The following EFHB variants were observed in gnomAD, a reference collection of about 807,000 sequenced individuals.
EFHB encodes EF-hand domain family member B.
In EFHB, 91 loss-of-function variants were observed where a neutral mutation model predicts 87.2. The ratio of observed to expected loss-of-function variants is 1.04; its 90% CI spans 0.88 to 1.24. The LOEUF is 1.24. Ranked by LOEUF, EFHB falls within the 50% of genes most tolerant of loss-of-function variation. The pLI, the probability that EFHB is intolerant of heterozygous loss-of-function variation, is 0.00. For synonymous variants in EFHB, 325 were observed against 333.6 expected (o/e 0.97, Z 0.28); for missense variants, 1,084 against 998.8 (o/e 1.09, Z -1.15).
At chr3:19,920,301 G>C (rs189787974) in intron 2 of EFHB, among the ~76,000 whole-genome samples, 1 of 152,206 alleles carries the variant, frequency 6.6e-6, no homozygotes, top group Non-Finnish European at 1.5e-5. Flanking sequence ...CCCTGTAATT[G>C]AATCCCTGTA....
chr3:19,892,957 C>CA (rs1553629375), intron 9 of EFHB, among the ~76,000 whole-genome samples: 1 of 143,672 alleles, frequency 7.0e-6, no homozygotes, highest in African/African-American at 2.5e-5. Flanking sequence ...TCTCTATTTT[C>CA]TTTTTTTTTT....
chr3:19,902,915 G>A (rs558140679), intron 6 of EFHB, among the ~76,000 whole-genome samples: 6 of 151,878 alleles, frequency 4.0e-5, no homozygotes, highest in South Asian at 2.1e-4. Context: ...AGTGGCTCAC[G>A]CCTGTAATCC....
chr3:19,914,963 A>T lies in EFHB; in HGVS notation c.1288+340T>A, dbSNP rs139444467. ...AAAAATTAGCCAGGCGTGGTGGTGCACACCTGTAGTCTCAGCTGTTCAGGA... is the reference window on the plus strand; with the variant it reads ...AAAAATTAGCCAGGCGTGGTGGTGCTCACCTGTAGTCTCAGCTGTTCAGGA... On this transcript the variant is annotated intron_variant, in intron 5 of 12. Transcript: ENST00000295824. 5.0e-3 allele frequency among the ~76,000 whole-genome samples: 756 copies of T among 152,094 alleles called. 5 individuals carry two copies. Among genetic ancestry groups the T allele is most frequent in the African/African-American group, 0.017 (707 of 41,476 alleles).
At chr3:19,946,277 A>C (rs548543588) in intron 1 of EFHB, 2 of 152,382 alleles carry the variant, frequency 1.3e-5, no homozygotes, top group South Asian at 4.1e-4. Context: ...TACAACTAGA[A>C]CTGAAGACTT....
intron 3 of EFHB, among the ~76,000 whole-genome samples, chr3:19,918,810 A>T (rs1695329104): frequency 8.8e-6 from 1 of 113,142 alleles, no homozygotes; most frequent in South Asian, 2.6e-4. Flanking sequence ...CCCCATAACT[A>T]CTAAAAAAAA....
chr3:19,943,856 G>C (rs1416427630), intron 1 of EFHB, among the ~76,000 whole-genome samples: 1 of 152,156 alleles, frequency 6.6e-6, no homozygotes, highest in African/African-American at 2.4e-5. Flanking sequence ...TAAGTGGAAC[G>C]ATGCGTAATA....
chr3:19,945,103 G>A (rs1005104601), intron 1 of EFHB, among the ~76,000 whole-genome samples: 1 of 152,214 alleles, frequency 6.6e-6, no homozygotes, highest in Non-Finnish European at 1.5e-5. Flanking sequence ...GGCTAAGACG[G>A]AGCCAGCAGT....
At position 19,884,458 on chromosome 3, in the gene EFHB, G is replaced by T. The variant is rs183131232; in HGVS notation, c.2091C>A (p.Tyr697Ter). 3.8e-5 allele frequency: 61 copies of T among 1,613,920 alleles called. No homozygotes were observed. Among genetic ancestry groups the T allele is most frequent in the Admixed American group, 3.5e-4 (21 of 60,016 alleles). Residue 697 changes from tyrosine (Y) to a stop codon, truncating the protein, a stop_gained, in exon 11 of 13, where the codon TAC (tyrosine) becomes TAA (stop). Transcript: ENST00000295824. LOFTEE classifies it high-confidence loss of function. ...TGATCTCAGAAGAAGTTGTCTTATA[G>T]TAGTTGGAAACTTTATCACTTGGTC... ...LLRPSDKVSN[Y>*]YKTTSSEINA...
chr3:19,936,336 T>TTAA, upstream of EFHB: 4 of 358,652 alleles, frequency 1.1e-5, no homozygotes, highest in East Asian at 3.5e-5. Context: ...GGCGACAGAC[T>TTAA]GAAAAAAAAA....
chr3:19,937,878 T>C (rs190722051), upstream of EFHB, among the ~76,000 whole-genome samples: 26 of 152,282 alleles, frequency 1.7e-4, no homozygotes, highest in Non-Finnish European at 3.2e-4. Flanking sequence ...TACACTAAAT[T>C]GTGACTGTCA....
At chr3:19,912,464 C>T (rs183404336) in intron 5 of EFHB, among the ~76,000 whole-genome samples, 2 of 151,768 alleles carry the variant, frequency 1.3e-5, no homozygotes, top group Non-Finnish European at 2.9e-5. Flanking sequence ...TAAGGGAGTA[C>T]TTCAATTTCA....
At chr3:19,928,578 G>A (rs548718740) in intron 1 of EFHB, among the ~76,000 whole-genome samples, 4 of 152,244 alleles carry the variant, frequency 2.6e-5, no homozygotes, top group Non-Finnish European at 4.4e-5. Flanking sequence ...CAGAGTAGCT[G>A]GGATTACAGG....
At chr3:19,891,008 G>A (rs1242125021) in intron 9 of EFHB, among the ~76,000 whole-genome samples, 3 of 152,140 alleles carry the variant, frequency 2.0e-5, no homozygotes, top group Non-Finnish European at 2.9e-5. Flanking sequence ...AATGCAGCCA[G>A]CCCAACCCCA....
chr3:19,886,549 C>T (rs969892798), intron 10 of EFHB, among the ~76,000 whole-genome samples: 28 of 151,634 alleles, frequency 1.8e-4, no homozygotes, highest in Non-Finnish European at 8.8e-5. Context: ...TCACAACCAG[C>T]CTGGGCAACA....
intron 10 of EFHB, among the ~76,000 whole-genome samples, chr3:19,887,989 T>A (rs1185787478): frequency 6.6e-6 from 1 of 152,100 alleles, no homozygotes; most frequent in Non-Finnish European, 1.5e-5. Flanking sequence ...GGTTCCAAAC[T>A]CAAAAGATAC....
intron 12 of EFHB, among the ~76,000 whole-genome samples, chr3:19,881,155 C>A (rs921146055): frequency 2.0e-5 from 3 of 152,088 alleles, no homozygotes; most frequent in African/African-American, 7.2e-5. Flanking sequence ...AACACAATAC[C>A]CCTATGCATA....
chr3:19,940,426 A>G (rs538357517), intron 1 of EFHB: 1 of 455,392 alleles, frequency 2.2e-6, no homozygotes, highest in East Asian at 5.8e-5. Context: ...TTCCTTCTCA[A>G]CAGCCTGATT....
rs531964644 is a variant in EFHB at position 19,925,770 on chromosome 3, G to A, written c.790-5203C>T. Among the ~76,000 whole-genome samples the A allele has an allele frequency of 5.9e-5, 9 of 152,228 alleles. No homozygotes were observed. The East Asian group carries it at 1.7e-3, about 29-fold the overall frequency. ...GGTTGATATAAGACCATTTTCAGCT[G>A]CTCAAGACCCACAGACCCATAATCA... is the stretch of plus-strand genomic sequence containing the variant. On this transcript the variant is annotated intron_variant, in intron 1 of 12. Transcript: ENST00000295824.
At chr3:19,896,189 T>C (rs1048598740) in intron 9 of EFHB, among the ~76,000 whole-genome samples, 3 of 152,190 alleles carry the variant, frequency 2.0e-5, no homozygotes, top group African/African-American at 7.2e-5. Flanking sequence ...CCCAGCACAC[T>C]GCAGTTTAAT....
Sources: allele counts gnomAD v4.1 joint callset (sites outside exome capture counted in the v4.1 genomes callset), GRCh38; gene constraint gnomAD v4.1.1; transcripts MANE v1.5; gene names NCBI Gene and HGNC (gene_info 2026-07-23, HGNC 2026-07-21).